The following TLN1 variants were observed in gnomAD, a reference collection of about 807,000 sequenced individuals.
TLN1 encodes the protein talin 1.
A neutral mutation model predicts 292.3 loss-of-function variants in TLN1; 56 were observed. The observed-to-expected ratio is 0.19, with a 90% CI of 0.15 to 0.24. The LOEUF (loss-of-function observed/expected upper bound fraction) is 0.24. Ranked by LOEUF, TLN1 falls within the 10% of genes least tolerant of loss-of-function variation. The pLI, the probability that TLN1 is intolerant of heterozygous loss-of-function variation, is 1.00. For synonymous variants in TLN1, 1,119 were observed against 1,253.7 expected (o/e 0.89, Z 2.27); for missense variants, 2,433 against 3,248.2 (o/e 0.75, Z 6.10).
In TLN1 at chr9:35,706,496, G is replaced by A. The variant is rs769013675; in HGVS notation, c.5144C>T (p.Pro1715Leu). 9.3e-6 allele frequency: 15 copies of A among 1,613,988 alleles called. No individual in the cohort carries two copies. Among genetic ancestry groups the A allele is most frequent in the East Asian group, 2.2e-5 (1 of 44,894 alleles). ...AVQEISHLIE[P>L]LANAARAEAS... ...TTCAGCCCGGGCAGCATTGGCCAGC[G>A]GCTCAATGAGATGGGAGATCTCTTG... The change falls in exon 39 of 57, where the codon CCG (proline) becomes CTG (leucine). Residue 1715 changes from proline to leucine, a missense_variant. Around this residue, in one of 7 missense-constraint regions of TLN1, gnomAD observed 1,384 missense variants for 1,699.6 expected, o/e 0.81. Transcript: ENST00000314888. This position sits in a 1 kb window ranked among gnomAD's most constrained non-coding sequence, Gnocchi z 4.2.
chr9:35,703,427 A>G, intron 48 of TLN1, 133 bp downstream of exon 48: 2 of 851,854 alleles, frequency 2.3e-6, no homozygotes, highest in Non-Finnish European at 3.8e-6. Flanking sequence ...CTTCTCAAAA[A>G]AAAAGTCTGG....
chr9:35,722,273 A>G, intron 8 of TLN1, 50 bp from the exon 9 acceptor site: 1 of 1,498,196 alleles, frequency 6.7e-7, no homozygotes, highest in South Asian at 1.1e-5. Flanking sequence ...TATCACAGCT[A>G]AGGAATTAAG....
At chr9:35,729,850 G>GA (rs957134414) in intron 1 of TLN1, among the ~76,000 whole-genome samples, 2 of 152,226 alleles carry the variant, frequency 1.3e-5, no homozygotes, top group Admixed American at 6.5e-5. Context: ...GTGGTTACGG[G>GA]ATGTGGTTAG....
chr9:35,708,547 T>C (rs1825605532), intron 33 of TLN1, 63 bp from the exon 34 acceptor site: 2 of 1,447,864 alleles, frequency 1.4e-6, no homozygotes, highest in Non-Finnish European at 9.2e-7. Context: ...TGAATAGTGA[T>C]AGTAGGGACA....
chr9:35,718,019 CAT>C (rs376133335), intron 17 of TLN1, among the ~76,000 whole-genome samples: 11 of 152,288 alleles, frequency 7.2e-5, no homozygotes, highest in South Asian at 2.1e-4. Context: ...TGGAGACACA[CAT>C]GAGGCGGATA....
chr9:35,720,598 T>C, intron 11 of TLN1, 89 bp from the exon 12 acceptor site: 3 of 1,351,536 alleles, frequency 2.2e-6, no homozygotes, highest in Middle Eastern at 1.8e-4. Flanking sequence ...TAACCAGCCA[T>C]TTTCCAGAAG....
Position 35,717,867 on chromosome 9 carries a change from T to G in TLN1, c.1996-81A>C. The G allele has an allele frequency of 6.8e-7, 1 of 1,472,890 alleles. No homozygotes were observed. Among genetic ancestry groups the G allele is most frequent in the East Asian group, 2.3e-5 (1 of 43,564 alleles). 91.2% of individuals were successfully genotyped at this position (1,472,890 alleles called of 1,614,324 possible). Reference sequence around the variant, plus strand: ...CTTCTCAGAGGCGTAAGCTGCTTCATTATTCCCACTGATCCAATCAAAGGA... The same window carrying G: ...CTTCTCAGAGGCGTAAGCTGCTTCAGTATTCCCACTGATCCAATCAAAGGA... On this transcript the variant is annotated intron_variant, in intron 17 of 56. Coordinates refer to ENST00000314888, the MANE Select transcript of TLN1 (RefSeq NM_006289.4). This position sits in a 1 kb window ranked among gnomAD's most constrained non-coding sequence, Gnocchi z 4.7.
rs749592179 is a variant in TLN1 at position 35,714,083 on chromosome 9, TATG to T, written c.3121-5_3121-3del. 1.9e-6 allele frequency: 3 copies of T among 1,613,986 alleles called. No individual in the cohort carries two copies. The highest frequency in any genetic ancestry group is 2.5e-6 in the Non-Finnish European group (3 of 1,179,830). On this transcript the variant is annotated splice_polypyrimidine_tract_variant and splice_region_variant and intron_variant, in intron 24 of 56. Coordinates refer to ENST00000314888, the MANE Select transcript of TLN1 (RefSeq NM_006289.4). The surrounding 1 kb of genome is among the most constrained non-coding windows in gnomAD (Gnocchi z 4.6). Reference sequence around the variant, plus strand: ...CAAAGGTCCACATGCTTCCTGAGCCTATGATAAGAAAGGGGTTTTGGGTGTAGA... The same window carrying T: ...CAAAGGTCCACATGCTTCCTGAGCCTATAAGAAAGGGGTTTTGGGTGTAGA...
rs375519749 is a variant in TLN1, at chr9:35,709,659, C to T, written c.4326+902G>A. Among the ~76,000 whole-genome samples the T allele has an allele frequency of 3.6e-4, 54 of 151,408 alleles. No individual in the cohort carries two copies. The South Asian group carries it at 0.011, about 30-fold the overall frequency. Reference sequence around the variant, plus strand: ...ATCCCAGCACTTTGGGAGGTCGAGACGGGCGGATCACGAGGTCAGGAGATC... The same window carrying T: ...ATCCCAGCACTTTGGGAGGTCGAGATGGGCGGATCACGAGGTCAGGAGATC... On this transcript the variant is annotated intron_variant, in intron 33 of 56. Transcript: ENST00000314888.
Position 35,719,598 on chromosome 9 carries a change from C to T in TLN1, c.1608G>A (p.Met536Ile). The change falls in exon 15 of 57, where the codon ATG becomes ATA. Residue 536 changes from methionine to isoleucine, a missense_variant. By Grantham distance (10) the Met-to-Ile change is conservative. Around this residue, in one of 7 missense-constraint regions of TLN1, gnomAD observed 617 missense variants for 770.6 expected, o/e 0.80. Transcript: ENST00000314888. This position sits in a 1 kb window ranked among gnomAD's most constrained non-coding sequence, Gnocchi z 4.6. ...AASKAWRKNK[M>I]DESKHEIHSQ... ...AGTGGATCTCATGCTTTGATTCATCCATCTTGTTTTTACGCCAGGCCTTAG... is the reference window on the plus strand; with the variant it reads ...AGTGGATCTCATGCTTTGATTCATCTATCTTGTTTTTACGCCAGGCCTTAG... 1.9e-6 allele frequency: 3 copies of T among 1,614,146 alleles called. No homozygotes were observed. Among genetic ancestry groups the T allele is most frequent in the Non-Finnish European group, 8.5e-7 (1 of 1,180,022 alleles).
chr9:35,718,982 G>A lies in TLN1; in HGVS notation c.1897-72C>T, dbSNP rs1386171024. Reference sequence around the variant, plus strand: ...ATGCCTGTGCATATCACAGGCCCACGGGACCCAGGCTTCCATCCTGTGGCT... The same window carrying A: ...ATGCCTGTGCATATCACAGGCCCACAGGACCCAGGCTTCCATCCTGTGGCT... On this transcript the variant is annotated intron_variant, in intron 16 of 56. Coordinates refer to ENST00000314888, the MANE Select transcript of TLN1 (RefSeq NM_006289.4). 2.0e-5 allele frequency: 32 copies of A among 1,596,472 alleles called. No homozygotes were observed. In the East Asian group the frequency reaches 4.1e-4, roughly 20 times the overall value.
In TLN1 at chr9:35,712,049, G is replaced by A; in HGVS notation, c.3637C>T (p.Leu1213=). The change falls in exon 28 of 57, where the codon CTG becomes TTG. Residue 1213 remains leucine (L), a synonymous_variant. Transcript: ENST00000314888. ...LPGQRDVDNA[L]RAVGDASKRL... is the part of the protein sequence containing the mutation. ...TTGCTGGCATCTCCAACTGCCCTCA[G>A]GGCATTATCCACATCGCGCTGGCCA... 6.2e-7 allele frequency: 1 copy of A among 1,614,122 alleles called. No individual in the cohort carries two copies. The highest frequency in any genetic ancestry group is 8.5e-7 in the Non-Finnish European group (1 of 1,180,022).
In TLN1 at chr9:35,722,842, T is replaced by C. The variant is rs1825901212; in HGVS notation, c.843+19A>G. On this transcript the variant is annotated intron_variant, in intron 8 of 56. Transcript: ENST00000314888. ...AAGCTCCGCGGTCATCCCAAATACT[T>C]TCCCCTACCCACATTCACCTGGAAG... 3 of 1,613,046 alleles carry C rather than the reference T, an allele frequency of 1.9e-6. No individual in the cohort carries two copies. The highest frequency in any genetic ancestry group is 3.3e-5 in the Admixed American group (2 of 59,984).
rs570629707 is a variant in TLN1 at position 35,704,177 on chromosome 9, G to A, written c.6048-3C>T. 11 of 1,586,950 alleles carry A rather than the reference G, an allele frequency of 6.9e-6. No individual in the cohort carries two copies. The East Asian group carries it at 2.5e-4, about 36-fold the overall frequency. On this transcript the variant is annotated splice_region_variant and splice_polypyrimidine_tract_variant and intron_variant, in intron 45 of 56. Transcript: ENST00000314888. The surrounding 1 kb of genome is among the most constrained non-coding windows in gnomAD (Gnocchi z 6.9). ...TCGCAGTCTTCAGGATGCCCTCCCT[G>A]AGGGAGGGCCCAGCTTAGTCAGATC...
At chr9:35,725,488 A>G in intron 2 of TLN1, 77 bp downstream of exon 2, 6 of 1,581,288 alleles carry the variant, frequency 3.8e-6, no homozygotes, top group Non-Finnish European at 5.2e-6. Flanking sequence ...CAAAGGGGTC[A>G]ACTCTCAAGG....
At chr9:35,725,104 A>G (rs1477613600) in intron 3 of TLN1, 120 bp downstream of exon 3, 1 of 1,529,302 alleles carries the variant, frequency 6.5e-7, no homozygotes, top group African/African-American at 1.4e-5. Flanking sequence ...ACTGTCTGTT[A>G]ATAGGAAGAA....
intron 48 of TLN1, 148 bp from the exon 49 acceptor site, chr9:35,700,524 C>T (rs566181589): frequency 4.3e-5 from 37 of 865,880 alleles, no homozygotes; most frequent in Non-Finnish European, 6.1e-5. Flanking sequence ...ACTGAAGCAA[C>T]TGGGGAGTTT....
chr9:35,720,083 G>T lies in TLN1; in HGVS notation c.1420C>A (p.Gln474Lys). The T allele has an allele frequency of 1.9e-6, 3 of 1,605,370 alleles. No homozygotes were observed. Among genetic ancestry groups the T allele is most frequent in the Non-Finnish European group, 2.6e-6 (3 of 1,176,232 alleles). Residue 474 changes from glutamine to lysine, a missense_variant, in exon 13 of 57, where the codon CAG (glutamine) becomes AAG (lysine). This residue lies in a region of TLN1 where 617 missense variants were observed against 770.6 expected (regional missense o/e 0.80). Coordinates refer to ENST00000314888, the MANE Select transcript of TLN1 (RefSeq NM_006289.4). ...QVGSMPPAQQQITSGQMHRGH... is the reference protein window; with the variant it reads ...QVGSMPPAQQKITSGQMHRGH... Reference sequence around the variant, plus strand: ...CGGTGCATCTGGCCGCTGGTAATCTGCTGCTGGGCAGGGGGCATGCTGCCC... The same window carrying T: ...CGGTGCATCTGGCCGCTGGTAATCTTCTGCTGGGCAGGGGGCATGCTGCCC...
At position 35,712,893 on chromosome 9, in the gene TLN1, T is replaced by C. The variant is rs756028633; in HGVS notation, c.3503A>G (p.Glu1168Gly). ...TGGATGGCCAGCTGCCTTTTTCGCC[T>C]CCTCAATGAGGCTGCTGGCCTTGTC... is the stretch of plus-strand genomic sequence containing the variant. ...VLDKASSLIE[E>G]AKKAAGHPGD... Residue 1168 changes from glutamate to glycine, a missense_variant, in exon 27 of 57, where the codon GAG becomes GGG. Glu to Gly is a moderately conservative substitution (Grantham distance 98, BLOSUM62 -2). Around this residue, in one of 7 missense-constraint regions of TLN1, gnomAD observed 1,384 missense variants for 1,699.6 expected, o/e 0.81. Coordinates refer to ENST00000314888, the MANE Select transcript of TLN1 (RefSeq NM_006289.4). 1 of 1,601,902 alleles carries C rather than the reference T, an allele frequency of 6.2e-7. No individual in the cohort carries two copies. Among genetic ancestry groups the C allele is most frequent in the Admixed American group, 1.7e-5 (1 of 58,302 alleles).
Sources: gnomAD v4.1 joint callset for allele counts (sites outside exome capture counted in the v4.1 genomes callset) on GRCh38, gnomAD v4.1.1 for gene constraint, gnomAD v4.1.1 regional missense constraint, Gnocchi (gnomAD v3.1) non-coding constraint, MANE v1.5 for transcripts, NCBI Gene and HGNC (gene_info 2026-07-23, HGNC 2026-07-21) for gene names.